The following ENPP2 variants were observed in gnomAD, a reference collection of about 807,000 sequenced individuals.
ENPP2 encodes the protein autotaxin.
ENPP2 carries 51 observed loss-of-function variants against 120.2 expected under a neutral mutation model. The ratio of observed to expected loss-of-function variants is 0.42; its 90% confidence interval spans 0.34 to 0.54. ENPP2 has a LOEUF of 0.54. Among genes scored for constraint, ENPP2 ranks in the 20% least tolerant of loss-of-function variants. The pLI is 0.04. For missense variants in ENPP2, 920 were observed against 1,066.5 expected (o/e 0.86, Z 1.91); for synonymous variants, 365 against 366.4 (o/e 1.00, Z 0.04).
intron 1 of ENPP2, among the ~76,000 whole-genome samples, chr8:119,669,274 A>C (rs562213868): frequency 6.8e-4 from 103 of 152,228 alleles, no homozygotes; most frequent in Non-Finnish European, 1.3e-3. Flanking sequence ...CTAATCTAGA[A>C]GAAGATCACA....
chr8:119,643,268 A>C (rs1314612660), upstream of ENPP2, among the ~76,000 whole-genome samples: 1 of 152,190 alleles, frequency 6.6e-6, no homozygotes, highest in East Asian at 1.9e-4. Flanking sequence ...CTGAGCAGAA[A>C]ATTTTGATGG....
intron 8 of ENPP2, among the ~76,000 whole-genome samples, chr8:119,609,890 A>C (rs903710097): frequency 2.0e-5 from 3 of 152,322 alleles, no homozygotes; most frequent in Non-Finnish European, 2.9e-5. Context: ...CAAATTTCTC[A>C]AATAATGACC....
chr8:119,615,856 C>T (rs1436297595), intron 8 of ENPP2, among the ~76,000 whole-genome samples: 1 of 151,980 alleles, frequency 6.6e-6, no homozygotes, highest in East Asian at 1.9e-4. Flanking sequence ...CTGAAATTCA[C>T]CTCATCACCA....
chr8:119,566,963 A>G (rs1814502575), intron 22 of ENPP2, among the ~76,000 whole-genome samples: 1 of 152,216 alleles, frequency 6.6e-6, no homozygotes, highest in African/African-American at 2.4e-5. Context: ...AGGACATCAA[A>G]TAAACATTTT....
intron 1 of ENPP2, among the ~76,000 whole-genome samples, chr8:119,645,919 T>C (rs540425417): frequency 6.6e-6 from 1 of 152,280 alleles, no homozygotes; most frequent in African/African-American, 2.4e-5. Context: ...TTTATTCCCA[T>C]TCATTACCCA....
At position 119,608,871 on chromosome 8, in the gene ENPP2, G is replaced by T. The variant is rs115091021; in HGVS notation, c.778-894C>A. On this transcript the variant is annotated intron_variant, in intron 8 of 24. Transcript: ENST00000075322. The stretch of plus-strand genomic sequence containing the variant: ...CACTCGATAAATTTACATATTTATT[G>T]TTATGCAATAATGGAAATAAATAAT... Among the ~76,000 whole-genome samples, 1,208 of 152,198 alleles carry T rather than the reference G, an allele frequency of 7.9e-3. 14 individuals carry two copies. The highest frequency in any genetic ancestry group is 0.028 in the African/African-American group (1,159 of 41,532).
intron 1 of ENPP2, among the ~76,000 whole-genome samples, chr8:119,672,242 C>T (rs746403747): frequency 6.6e-6 from 1 of 152,132 alleles, no homozygotes. Context: ...CGGGGGAAAC[C>T]GGAAGCTCCA....
intron 1 of ENPP2, among the ~76,000 whole-genome samples, chr8:119,661,564 T>C (rs1817921889): frequency 6.6e-6 from 1 of 152,188 alleles, no homozygotes; most frequent in Non-Finnish European, 1.5e-5. Flanking sequence ...TTGTGCACTC[T>C]TCATGGAATT....
rs578229906 is a variant in ENPP2, at chr8:119,565,076, G to T, written c.2132-121C>A. 2.4e-5 allele frequency: 18 copies of T among 758,236 alleles called. No homozygotes were observed. In the African/African-American group the frequency reaches 2.6e-4, roughly 11 times the overall value. The allele number at this position is 758,236 out of a possible 1,614,324, so 47.0% of individuals were successfully genotyped here. A position where few individuals can be genotyped will look rare whatever the true frequency, so the allele number is the denominator to read the frequency against. On this transcript the variant is annotated intron_variant, in intron 22 of 24. Transcript: ENST00000075322. ...TCACAAGCCAAGAGACAAGAGAGCT[G>T]TCGTGATTCATGAGATGAATCAATT...
At position 119,590,613 on chromosome 8, in the gene ENPP2, A is replaced by T; in HGVS notation, c.1099T>A (p.Cys367Ser). 6.4e-7 allele frequency: 1 copy of T among 1,560,246 alleles called. No individual in the cohort carries two copies. Among genetic ancestry groups the T allele is most frequent in the Non-Finnish European group, 8.7e-7 (1 of 1,152,834 alleles). Residue 367 changes from cysteine to serine, a missense_variant, in exon 13 of 25, where the codon TGT becomes AGT. Physicochemically the swap from Cys to Ser is moderately radical, Grantham distance 112 (BLOSUM62 -1). Transcript: ENST00000075322. The stretch of plus-strand genomic sequence containing the variant: ...TTACTCAAGAACTCAGTTCTATCAC[A>T]TGTGACATCTTCCATTCCTATGGGG... ...VGDHGMEDVT[C>S]DRTEFLSNYL...
At chr8:119,596,051 T>G in intron 11 of ENPP2, 1 of 1,566,122 alleles carries the variant, frequency 6.4e-7, no homozygotes, top group South Asian at 1.1e-5. Context: ...TCTGTCCCTC[T>G]GAGTCAGATA....
intron 1 of ENPP2, among the ~76,000 whole-genome samples, chr8:119,668,998 G>A (rs1818162692): frequency 6.6e-6 from 1 of 152,030 alleles, no homozygotes; most frequent in Admixed American, 6.6e-5. Context: ...ATCCATCTCT[G>A]CACACATACA....
chr8:119,665,376 T>C (rs1239896784), intron 1 of ENPP2, among the ~76,000 whole-genome samples: 2 of 152,208 alleles, frequency 1.3e-5, no homozygotes, highest in African/African-American at 4.8e-5. Context: ...CGATAAATTA[T>C]TTACTTTGGA....
rs141371015 is a variant in ENPP2 at position 119,601,574 on chromosome 8, T to A, written c.834-112A>T. Reference sequence around the variant, plus strand: ...CAAATGCTCTCTATTTACCACCATCTGTTTTCACTTCATTTGTAGTAAAAG... The same window carrying A: ...CAAATGCTCTCTATTTACCACCATCAGTTTTCACTTCATTTGTAGTAAAAG... On this transcript the variant is annotated intron_variant, in intron 9 of 24. Coordinates refer to ENST00000075322, the MANE Select transcript of ENPP2 (RefSeq NM_001040092.3). 3,912 of 719,272 alleles carry A rather than the reference T, an allele frequency of 5.4e-3. 35 individuals are homozygous for A. Among genetic ancestry groups the A allele is most frequent in the Middle Eastern group, 0.022 (89 of 4,120 alleles). The allele number at this position is 719,272 out of a possible 1,614,324, so 44.6% of individuals were successfully genotyped here. A position where few individuals can be genotyped will look rare whatever the true frequency, so the allele number is the denominator to read the frequency against.
intron 2 of ENPP2, among the ~76,000 whole-genome samples, chr8:119,629,954 G>A (rs1009097060): frequency 8.5e-5 from 13 of 152,158 alleles, no homozygotes; most frequent in Non-Finnish European, 1.8e-4. Flanking sequence ...CCCACGAGCT[G>A]CTTAAATAAA....
chr8:119,593,697 A>G, intron 12 of ENPP2, 55 bp downstream of exon 12: 2 of 1,092,416 alleles, frequency 1.8e-6, no homozygotes, highest in Non-Finnish European at 2.8e-6. Flanking sequence ...TTTCCTCAAT[A>G]TGATCAGAAA....
intron 1 of ENPP2, among the ~76,000 whole-genome samples, chr8:119,645,736 AC>A (rs1817425889): frequency 6.8e-6 from 1 of 147,922 alleles, no homozygotes. Flanking sequence ...AATCGCTTGA[AC>A]CCGGGGAGTG....
Position 119,638,057 on chromosome 8 carries a change from T to G in ENPP2, c.136+368A>C, listed in dbSNP as rs150481453. On this transcript the variant is annotated intron_variant, in intron 2 of 24. Coordinates refer to ENST00000075322, the MANE Select transcript of ENPP2 (RefSeq NM_001040092.3). ...TACATCAGAACTTTCTAGTGGCAAATACTACATCCTATATCATGTGACAGC... is the reference window on the plus strand; with the variant it reads ...TACATCAGAACTTTCTAGTGGCAAAGACTACATCCTATATCATGTGACAGC... Among the ~76,000 whole-genome samples, 539 of 152,328 alleles carry G rather than the reference T, an allele frequency of 3.5e-3. 1 individual carries two copies. Among genetic ancestry groups the G allele is most frequent in the African/African-American group, 0.012 (506 of 41,572 alleles).
intron 11 of ENPP2, among the ~76,000 whole-genome samples, chr8:119,600,262 T>C (rs1329946071): frequency 1.3e-5 from 2 of 152,196 alleles, no homozygotes; most frequent in African/African-American, 4.8e-5. Context: ...CTACCCTCTC[T>C]AAACTGCCTA....
Sources: gnomAD v4.1 joint callset for allele counts (sites outside exome capture counted in the v4.1 genomes callset) on GRCh38, gnomAD v4.1.1 for gene constraint, MANE v1.5 for transcripts, NCBI Gene and HGNC (gene_info 2026-07-23, HGNC 2026-07-21) for gene names.